Variants in LCN2 observed in about 807,000 individuals in gnomAD.
LCN2 encodes the protein neutrophil gelatinase-associated lipocalin.
Under a neutral mutation model 26.4 loss-of-function variants are expected in LCN2, and 27 were observed. That is an observed-to-expected ratio of 1.02 (90% CI 0.76 to 1.41). LCN2 has a LOEUF of 1.41. LCN2 is among the 40% of genes most tolerant of loss of function. The pLI is 0.00. For missense variants in LCN2, 224 were observed against 237.6 expected, an observed-to-expected ratio of 0.94 and a Z score of 0.38; for synonymous variants, 94 against 98.9, an observed-to-expected ratio of 0.95 and a Z score of 0.30.
At chr9:128,150,127 A>G in intron 1 of LCN2, 111 bp from the exon 2 acceptor site, 10 of 1,398,098 alleles carry the variant, frequency 7.2e-6, no homozygotes, top group Non-Finnish European at 9.7e-6. Flanking sequence ...CTGCCCAGCT[A>G]GAGGGGCTCA....
At chr9:128,150,416 C>T (rs377549501) in intron 2 of LCN2, 42 bp downstream of exon 2, 192 of 1,613,716 alleles carry the variant, frequency 1.2e-4, no homozygotes, top group Non-Finnish European at 1.4e-4. Flanking sequence ...GTCAGACTGA[C>T]GTCACAGGCA....
At position 128,149,568 on chromosome 9, in the gene LCN2, G is replaced by C. The variant is rs767201381; in HGVS notation, c.43G>C (p.Ala15Pro). ...GTGGCTGGGCCTAGCCCTGTTGGGG[G>C]CTCTGCATGCCCAGGCCCAGGACTC... ...LLWLGLALLGALHAQAQDSTS... is the reference protein window; with the variant it reads ...LLWLGLALLGPLHAQAQDSTS... Residue 15 changes from alanine (A) to proline (P), a missense_variant, in exon 1 of 7, where the codon GCT becomes CCT. Ala to Pro is a conservative substitution (Grantham distance 27, BLOSUM62 -1). Coordinates refer to ENST00000277480, the MANE Select transcript of LCN2 (RefSeq NM_005564.5). The C allele has an allele frequency of 1.9e-6, 3 of 1,613,844 alleles. No homozygotes were observed. The East Asian group carries it at 6.7e-5, about 36-fold the overall frequency.
In LCN2 at chr9:128,150,254, A is replaced by G. The variant is rs200107414; in HGVS notation, c.155A>G (p.Tyr52Cys). 9.9e-6 allele frequency: 16 copies of G among 1,613,834 alleles called. No individual in the cohort carries two copies. Among genetic ancestry groups the G allele is most frequent in the Non-Finnish European group, 1.3e-5 (15 of 1,179,924 alleles). ...CCCTTGCAGTTCCAGGGGAAGTGGT[A>G]TGTGGTAGGCCTGGCAGGGAATGCA... Reference protein sequence around the residue: ...FQDNQFQGKWYVVGLAGNAIL... With the variant: ...FQDNQFQGKWCVVGLAGNAIL... The change falls in exon 2 of 7, where the codon TAT (tyrosine) becomes TGT (cysteine). Residue 52 changes from tyrosine (Y) to cysteine (C), a missense_variant. Transcript: ENST00000277480.
At chr9:128,152,448 T>G (rs1829143057) in intron 5 of LCN2, 164 bp downstream of exon 5, 1 of 644,214 alleles carries the variant, frequency 1.6e-6, no homozygotes, top group Admixed American at 2.8e-5. Flanking sequence ...CCAGGAAGAC[T>G]GTGCCCCACC....
Position 128,151,902 on chromosome 9 carries a change from G to A in LCN2, c.356-4G>A, listed in dbSNP as rs553580716. On this transcript the variant is annotated splice_polypyrimidine_tract_variant and splice_region_variant and intron_variant, in intron 3 of 6. Transcript: ENST00000277480. ...GGCTGACCCCTCACCGTCCACGCCTGCAGGTTACCCTGGATTAACGAGTTA... is the reference window on the plus strand; with the variant it reads ...GGCTGACCCCTCACCGTCCACGCCTACAGGTTACCCTGGATTAACGAGTTA... The A allele has an allele frequency of 1.2e-6, 2 of 1,614,084 alleles. No individual in the cohort carries two copies. Among genetic ancestry groups the A allele is most frequent in the Admixed American group, 1.7e-5 (1 of 60,018 alleles).
chr9:128,150,132 G>T, intron 1 of LCN2, 106 bp from the exon 2 acceptor site: 4 of 1,435,704 alleles, frequency 2.8e-6, no homozygotes, highest in Non-Finnish European at 3.8e-6. Context: ...CAGCTAGAGG[G>T]GCTCATGGTT....
At position 128,151,965 on chromosome 9, in the gene LCN2, G is replaced by A. The variant is rs778166244; in HGVS notation, c.415G>A (p.Ala139Thr). The A allele has an allele frequency of 4.3e-6, 7 of 1,614,024 alleles. No individual in the cohort carries two copies. The African/African-American group carries it at 8.0e-5, about 18-fold the overall frequency. Residue 139 changes from alanine (A) to threonine (T), a missense_variant, in exon 4 of 7, where the codon GCT becomes ACT. Coordinates refer to ENST00000277480, the MANE Select transcript of LCN2 (RefSeq NM_005564.5). ...RVVSTNYNQHAMVFFKKVSQN... is the reference protein window; with the variant it reads ...RVVSTNYNQHTMVFFKKVSQN... ...GGTGAGCACCAACTACAACCAGCAT[G>A]CTATGGTGTTCTTCAAGAAAGTTTC...
Position 128,152,179 on chromosome 9 carries a change from A to G in LCN2, c.476-4A>G, listed in dbSNP as rs762959326. The G allele has an allele frequency of 2.5e-6, 4 of 1,613,902 alleles. No individual in the cohort carries two copies. The highest frequency in any genetic ancestry group is 3.4e-6 in the Non-Finnish European group (4 of 1,179,784). On this transcript the variant is annotated splice_region_variant and splice_polypyrimidine_tract_variant and intron_variant, in intron 4 of 6. Coordinates refer to ENST00000277480, the MANE Select transcript of LCN2 (RefSeq NM_005564.5). ...CAGCCACTCACTGGCCATCTTGGTC[A>G]CAGGGAGAACCAAGGAGCTGACTTC...
In LCN2 at chr9:128,151,825, C is replaced by T. The variant is rs537466053; in HGVS notation, c.356-81C>T. 171 of 1,588,108 alleles carry T rather than the reference C, an allele frequency of 1.1e-4. 1 individual carries two copies. The East Asian group carries it at 1.7e-3, about 16-fold the overall frequency. On this transcript the variant is annotated intron_variant, in intron 3 of 6. Coordinates refer to ENST00000277480, the MANE Select transcript of LCN2 (RefSeq NM_005564.5). ...GATGTGTTGTATGGGGAGAAGCCCA[C>T]GTTGATGGGCTGGGGAGGGAGGGGA...
At chr9:128,152,104 G>C in intron 4 of LCN2, 79 bp downstream of exon 4, 1 of 1,607,704 alleles carries the variant, frequency 6.2e-7, no homozygotes, top group Non-Finnish European at 8.5e-7. Flanking sequence ...CCATGAGGAA[G>C]GGATCTGAGG....
At chr9:128,151,472 G>T in intron 2 of LCN2, 166 bp from the exon 3 acceptor site, 1 of 649,010 alleles carries the variant, frequency 1.5e-6, no homozygotes. Flanking sequence ...GCCCATCTCG[G>T]CTGGGTGGGG....
At position 128,151,926 on chromosome 9, in the gene LCN2, T is replaced by C. The variant is rs773829949; in HGVS notation, c.376T>C (p.Tyr126His). 1.9e-6 allele frequency: 3 copies of C among 1,614,126 alleles called. No individual in the cohort carries two copies. The highest frequency in any genetic ancestry group is 2.2e-5 in the South Asian group (2 of 91,088). ...NIKSYPGLTS[Y>H]LVRVVSTNYN... is the part of the protein sequence containing the mutation. The stretch of plus-strand genomic sequence containing the variant: ...TGCAGGTTACCCTGGATTAACGAGT[T>C]ACCTCGTCCGAGTGGTGAGCACCAA... Residue 126 changes from tyrosine to histidine, a missense_variant, in exon 4 of 7, where the codon TAC becomes CAC. Tyr to His is a moderately conservative substitution (Grantham distance 83). Transcript: ENST00000277480.
chr9:128,151,134 T>TC (rs1227014403), intron 2 of LCN2, among the ~76,000 whole-genome samples: 1 of 151,702 alleles, frequency 6.6e-6, no homozygotes, highest in African/African-American at 2.4e-5. Context: ...GTTGGGGAGC[T>TC]CAGCCCTGGG....
intron 1 of LCN2, 77 bp from the exon 2 acceptor site, chr9:128,150,161 A>G (rs1336054086): frequency 3.4e-5 from 53 of 1,547,548 alleles, no homozygotes; most frequent in Non-Finnish European, 4.6e-5. Context: ...GGCGGCCCAG[A>G]GGTGCCACAG....
rs770518785 is a variant in LCN2 at position 128,150,388 on chromosome 9, T to C, written c.275+14T>C. On this transcript the variant is annotated intron_variant, in intron 2 of 6. Transcript: ENST00000277480. ...CGTCCTGTTTAGGTGAGGGCCGACA[T>C]CTCCTGGGGGTGTGAGAGTCAGACT... 6.2e-7 allele frequency: 1 copy of C among 1,614,084 alleles called. No homozygotes were observed. Among genetic ancestry groups the C allele is most frequent in the Non-Finnish European group, 8.5e-7 (1 of 1,180,002 alleles).
At position 128,153,089 on chromosome 9, in the gene LCN2, C is replaced by T. The variant is rs372763184; in HGVS notation, c.578-11C>T. ...ACAGCTGCCTGTTCTGACGGACTTT[C>T]TCCCTAACAGACCAGTGTATCGACG... On this transcript the variant is annotated splice_polypyrimidine_tract_variant and intron_variant, in intron 5 of 6. Transcript: ENST00000277480. The surrounding 1 kb of genome is among the most constrained non-coding windows in gnomAD (Gnocchi z 5.4). The T allele has an allele frequency of 2.7e-5, 44 of 1,614,138 alleles. No homozygotes were observed. In the African/African-American group the frequency reaches 5.3e-4, roughly 20 times the overall value.
In LCN2 at chr9:128,151,963, A is replaced by G; in HGVS notation, c.413A>G (p.His138Arg). The G allele has an allele frequency of 6.2e-7, 1 of 1,614,160 alleles. No individual in the cohort carries two copies. Among genetic ancestry groups the G allele is most frequent in the Non-Finnish European group, 8.5e-7 (1 of 1,180,006 alleles). The change falls in exon 4 of 7, where the codon CAT (histidine) becomes CGT (arginine). Residue 138 changes from histidine to arginine, a missense_variant. Coordinates refer to ENST00000277480, the MANE Select transcript of LCN2 (RefSeq NM_005564.5). ...VRVVSTNYNQ[H>R]AMVFFKKVSQ... ...GTGGTGAGCACCAACTACAACCAGC[A>G]TGCTATGGTGTTCTTCAAGAAAGTT...
chr9:128,151,260 G>GTA (rs778541728), intron 2 of LCN2, among the ~76,000 whole-genome samples: 26 of 152,168 alleles, frequency 1.7e-4, no homozygotes, highest in Admixed American at 9.8e-4. Context: ...CCCGGGAGAG[G>GTA]GTATAGGAAG....
chr9:128,151,765 G>A (rs372560040), intron 3 of LCN2, 48 bp downstream of exon 3: 15 of 1,597,112 alleles, frequency 9.4e-6, no homozygotes, highest in Non-Finnish European at 1.2e-5. Context: ...CCGGGGAGCT[G>A]GGTAGGGGCA....
Sources: gnomAD v4.1 joint callset for allele counts (sites outside exome capture counted in the v4.1 genomes callset) on GRCh38, gnomAD v4.1.1 for gene constraint, Gnocchi (gnomAD v3.1) non-coding constraint, MANE v1.5 for transcripts, NCBI Gene and HGNC (gene_info 2026-07-23, HGNC 2026-07-21) for gene names.